The following PALM2AKAP2 variants were observed in gnomAD, a reference collection of about 807,000 sequenced individuals.
PALM2AKAP2 encodes the protein PALM2 and AKAP2 fusion, also known as PALM2-AKAP2 fusion protein.
Under a neutral mutation model 71.5 loss-of-function variants are expected in PALM2AKAP2, and 37 were observed. That is an observed-to-expected ratio of 0.52 (90% CI 0.40 to 0.68). PALM2AKAP2 has a LOEUF of 0.68. PALM2AKAP2 is among the 30% of genes least tolerant of loss of function. PALM2AKAP2 has a pLI of 0.00. For synonymous variants in PALM2AKAP2, 468 were observed against 478.8 expected (o/e 0.98, Z 0.29); for missense variants, 1,224 against 1,191.8 (o/e 1.03, Z -0.40).
At chr9:109,663,416 C>G (rs181364129) in intron 1 of PALM2AKAP2, among the ~76,000 whole-genome samples, 2 of 152,280 alleles carry the variant, frequency 1.3e-5, no homozygotes, top group East Asian at 3.9e-4. Context: ...CAAAGAACTT[C>G]TTTATTTCTG....
chr9:110,006,324 CTCTTTCTTTCTTTCTTTCTT>C (rs201648047), intron 6 of PALM2AKAP2, among the ~76,000 whole-genome samples: 42 of 102,102 alleles, frequency 4.1e-4, no homozygotes, highest in African/African-American at 1.2e-3. Flanking sequence ...TTCCTTCCTT[CTCTTTCTTTCTTTCTTTCTT>C]TCTTTCTTTC....
chr9:110,088,895 T>G (rs1473709154), intron 1 of PALM2AKAP2, among the ~76,000 whole-genome samples: 1 of 151,882 alleles, frequency 6.6e-6, no homozygotes, highest in African/African-American at 2.4e-5. Context: ...AATTTTTGTA[T>G]TTTTAGTAGA....
At position 110,084,253 on chromosome 9, in the gene PALM2AKAP2, C is replaced by T. The variant is rs7865721; in HGVS notation, c.156+35398C>T. Among the ~76,000 whole-genome samples, 1,089 of 152,236 alleles carry T rather than the reference C, an allele frequency of 7.2e-3. 14 individuals are homozygous for T. Among genetic ancestry groups the T allele is most frequent in the African/African-American group, 0.025 (1,041 of 41,536 alleles). On this transcript the variant is annotated intron_variant, in intron 1 of 3. Coordinates refer to ENST00000374525, the Ensembl canonical transcript of PALM2AKAP2. ...GAAAGGAAAACTGACCATCATTCAC[C>T]ATGTGGCTTAGCTGAAAGTAATGTT...
At chr9:109,978,940 C>A (rs1417266531) in intron 6 of PALM2AKAP2, among the ~76,000 whole-genome samples, 3 of 152,084 alleles carry the variant, frequency 2.0e-5, no homozygotes, top group Admixed American at 6.5e-5. Context: ...TACCACTGGG[C>A]CCCTGTTTCC....
chr9:109,789,336 T>A (rs564914863), intron 1 of PALM2AKAP2, among the ~76,000 whole-genome samples: 1 of 152,334 alleles, frequency 6.6e-6, no homozygotes, highest in East Asian at 1.9e-4. Flanking sequence ...ATTCGCGATG[T>A]GATTGCTTCT....
intron 1 of PALM2AKAP2, among the ~76,000 whole-genome samples, chr9:109,736,941 A>G (rs566098715): frequency 2.6e-5 from 4 of 152,240 alleles, no homozygotes; most frequent in African/African-American, 9.6e-5. Flanking sequence ...CTGAATCACT[A>G]CCACTGTCGC....
intron 1 of PALM2AKAP2, among the ~76,000 whole-genome samples, chr9:109,737,612 A>G (rs1274077614): frequency 6.6e-6 from 1 of 152,244 alleles, no homozygotes; most frequent in East Asian, 1.9e-4. Context: ...AAGGGCTGGA[A>G]CTAGGGCTTT....
chr9:109,803,432 T>C (rs879029586), intron 1 of PALM2AKAP2, among the ~76,000 whole-genome samples: 2 of 152,194 alleles, frequency 1.3e-5, no homozygotes, highest in African/African-American at 4.8e-5. Flanking sequence ...ATTTGTCTCA[T>C]GGAGCCTCAT....
At chr9:109,682,323 T>C (rs190419306) in intron 1 of PALM2AKAP2, among the ~76,000 whole-genome samples, 171 of 152,356 alleles carry the variant, frequency 1.1e-3, no homozygotes, top group Non-Finnish European at 5.4e-4. Flanking sequence ...TGGATCACTT[T>C]GCTTCATTCA....
intron 1 of PALM2AKAP2, among the ~76,000 whole-genome samples, chr9:109,732,305 T>C (rs1244194716): frequency 6.6e-6 from 1 of 152,192 alleles, no homozygotes; most frequent in Non-Finnish European, 1.5e-5. Flanking sequence ...AGCACCAGCT[T>C]TGGAGTCAAA....
chr9:109,783,921 T>C (rs2118820806), intron 1 of PALM2AKAP2, among the ~76,000 whole-genome samples: 1 of 152,340 alleles, frequency 6.6e-6, no homozygotes, highest in South Asian at 2.1e-4. Flanking sequence ...CCAACAAAAC[T>C]GAATTAAATA....
chr9:110,015,144 C>T (rs78079016), intron 6 of PALM2AKAP2, among the ~76,000 whole-genome samples: 9,115 of 151,858 alleles, frequency 0.06, 453 homozygotes, highest in African/African-American at 0.14. Context: ...TTAAAAGTGA[C>T]GACACATTCT....
At chr9:110,090,244 T>G (rs1276658711) in intron 1 of PALM2AKAP2, 1 of 418,220 alleles carries the variant, frequency 2.4e-6, no homozygotes, top group Non-Finnish European at 4.8e-6. Context: ...CTGCTTCCCC[T>G]GAAATCCTGT....
intron 6 of PALM2AKAP2, among the ~76,000 whole-genome samples, chr9:109,990,799 G>T (rs936698664): frequency 2.0e-5 from 3 of 152,216 alleles, no homozygotes; most frequent in Non-Finnish European, 2.9e-5. Context: ...TTTGCCTTTT[G>T]TTCCTTGTGA....
At chr9:109,842,684 A>G (rs1001875827) in intron 1 of PALM2AKAP2, among the ~76,000 whole-genome samples, 1 of 151,998 alleles carries the variant, frequency 6.6e-6, no homozygotes, top group East Asian at 1.9e-4. Context: ...AAAAAAACAG[A>G]CTAATGATAT....
At chr9:109,641,855 T>C (rs1827074613) in intron 1 of PALM2AKAP2, among the ~76,000 whole-genome samples, 1 of 152,232 alleles carries the variant, frequency 6.6e-6, no homozygotes, top group African/African-American at 2.4e-5. Context: ...GATGCAGCCT[T>C]TATCCCTCTG....
chr9:109,957,156 A>G (rs1158363424), intron 6 of PALM2AKAP2, among the ~76,000 whole-genome samples: 1 of 152,214 alleles, frequency 6.6e-6, no homozygotes, highest in African/African-American at 2.4e-5. Flanking sequence ...CAAAAGTAAC[A>G]TCTGTTCCAG....
chr9:109,733,296 T>C (rs1294866564), intron 1 of PALM2AKAP2, among the ~76,000 whole-genome samples: 1 of 152,148 alleles, frequency 6.6e-6, no homozygotes. Context: ...AGAACATTTG[T>C]TAGATTGTTC....
At chr9:109,709,860 G>T (rs904624213) in intron 1 of PALM2AKAP2, among the ~76,000 whole-genome samples, 18 of 152,176 alleles carry the variant, frequency 1.2e-4, no homozygotes, top group African/African-American at 4.3e-4. Flanking sequence ...GCCCCAAAAG[G>T]ATATGTGCAA....
Sources: allele counts gnomAD v4.1 joint callset (sites outside exome capture counted in the v4.1 genomes callset), GRCh38; gene constraint gnomAD v4.1.1; transcripts MANE v1.5; gene names NCBI Gene and HGNC (gene_info 2026-07-23, HGNC 2026-07-21).